Variants in PBRM1 observed in about 807,000 individuals in gnomAD.
PBRM1 encodes the protein polybromo 1.
In PBRM1, 27 loss-of-function variants were observed where a neutral mutation model predicts 194.5. The ratio of observed to expected loss-of-function variants is 0.14; its 90% CI spans 0.10 to 0.19. PBRM1 has a LOEUF of 0.19. Ranked by LOEUF, PBRM1 falls within the 10% of genes least tolerant of loss-of-function variation. The pLI is 1.00. For synonymous variants in PBRM1, 655 were observed against 693.2 expected (o/e 0.94, Z 0.87); for missense variants, 1,466 against 2,077.2 (o/e 0.71, Z 5.72).
At chr3:52,663,581 T>A (rs73078831) in intron 3 of PBRM1, among the ~76,000 whole-genome samples, 2 of 152,122 alleles carry the variant, frequency 1.3e-5, no homozygotes, top group Non-Finnish European at 2.9e-5. Context: ...ACAGATAAAG[T>A]TCCAAGAAAT....
At chr3:52,594,979 A>AT (rs138094902) in intron 17 of PBRM1, among the ~76,000 whole-genome samples, 1 of 151,782 alleles carries the variant, frequency 6.6e-6, no homozygotes, top group African/African-American at 2.4e-5. Context: ...GTGACCTGTC[A>AT]TTTTTTTCTT....
intron 17 of PBRM1, among the ~76,000 whole-genome samples, chr3:52,603,241 T>A (rs189616397): frequency 2.9e-4 from 44 of 152,336 alleles, no homozygotes; most frequent in African/African-American, 1.0e-3. Flanking sequence ...GATCTACCAA[T>A]AATATAAAGA....
chr3:52,563,545 AAGCC>A, intron 23 of PBRM1, 52 bp from the exon 26 acceptor site: 1 of 1,289,828 alleles, frequency 7.8e-7, no homozygotes, highest in Non-Finnish European at 1.1e-6. Context: ...CCTCCAGAAT[AAGCC>A]GGAAAGCAGT....
At chr3:52,577,169 G>A (rs1053013056) in intron 21 of PBRM1, among the ~76,000 whole-genome samples, 6 of 152,082 alleles carry the variant, frequency 3.9e-5, no homozygotes, top group Non-Finnish European at 7.4e-5. Flanking sequence ...AGGGGCTCAC[G>A]CCTGTAATCC....
At chr3:52,578,674 T>C (rs2090318083) in intron 21 of PBRM1, among the ~76,000 whole-genome samples, 2 of 152,214 alleles carry the variant, frequency 1.3e-5, no homozygotes, top group Non-Finnish European at 2.9e-5. Flanking sequence ...TGAACACCGA[T>C]ATGTGATATA....
At chr3:52,616,931 T>C (rs2094990022) in intron 14 of PBRM1, among the ~76,000 whole-genome samples, 1 of 152,176 alleles carries the variant, frequency 6.6e-6, no homozygotes, top group Non-Finnish European at 1.5e-5. Context: ...GTATACATTA[T>C]CTCTTTTAAA....
At chr3:52,617,624 AT>A in intron 13 of PBRM1, 86 bp from the exon 16 acceptor site, 1 of 908,486 alleles carries the variant, frequency 1.1e-6, no homozygotes, top group Non-Finnish European at 1.7e-6. Flanking sequence ...AAAACAAATT[AT>A]TTATGGTGCT....
intron 6 of PBRM1, among the ~76,000 whole-genome samples, chr3:52,650,398 A>AAT (rs71084202): frequency 9.4e-4 from 142 of 151,292 alleles, no homozygotes; most frequent in Non-Finnish European, 1.9e-3. Context: ...AAAAAAAAAA[A>AAT]GATGATACAT....
chr3:52,655,273 T>A (rs1405654740), intron 5 of PBRM1, among the ~76,000 whole-genome samples: 1 of 152,118 alleles, frequency 6.6e-6, no homozygotes, highest in East Asian at 1.9e-4. Context: ...CATTCTAACT[T>A]TATGTCTCTA....
At chr3:52,647,392 T>A (rs749769658) in intron 7 of PBRM1, among the ~76,000 whole-genome samples, 2 of 116,404 alleles carry the variant, frequency 1.7e-5, no homozygotes, top group African/African-American at 6.7e-5. Flanking sequence ...TTACCACACA[T>A]GGCCCCGCAA....
rs780210135 is a variant in PBRM1 at position 52,609,254 on chromosome 3, C to A, written c.2567+59G>T. 1.6e-5 allele frequency: 20 copies of A among 1,285,336 alleles called. No homozygotes were observed. Among genetic ancestry groups the A allele is most frequent in the Non-Finnish European group, 2.2e-5 (20 of 909,770 alleles). The allele number at this position is 1,285,336 out of a possible 1,614,324, so 79.6% of individuals were successfully genotyped here. ...ATAGTACATCAAAGCAATATTCTTTCATCTGTTTTGTATTAAATAGCACAT... is the reference window on the plus strand; with the variant it reads ...ATAGTACATCAAAGCAATATTCTTTAATCTGTTTTGTATTAAATAGCACAT... On this transcript the variant is annotated intron_variant, in intron 16 of 29. Transcript: ENST00000296302. This position sits in a 1 kb window ranked among gnomAD's most constrained non-coding sequence, Gnocchi z 4.1.
chr3:52,652,566 T>C (rs931658018), intron 5 of PBRM1, among the ~76,000 whole-genome samples: 2 of 151,244 alleles, frequency 1.3e-5, no homozygotes, highest in Admixed American at 1.3e-4. Flanking sequence ...GGCATACAAC[T>C]ATAGTCCCAG....
At chr3:52,633,384 T>C (rs998408866) in intron 11 of PBRM1, among the ~76,000 whole-genome samples, 1 of 152,178 alleles carries the variant, frequency 6.6e-6, no homozygotes, top group Non-Finnish European at 1.5e-5. Flanking sequence ...TTCCATTGTA[T>C]GTACACACCA....
Position 52,566,089 on chromosome 3 carries a change from A to AG in PBRM1, c.3692-1857_3692-1856insC, listed in dbSNP as rs2085134741. Among the ~76,000 whole-genome samples, 3 of 152,170 alleles carry AG rather than the reference A, an allele frequency of 2.0e-5. No individual in the cohort carries two copies. In the South Asian group the frequency reaches 6.2e-4, roughly 32 times the overall value. ...CAAAACAAAAAAAACACAATGCTTAACAGCATTCATCATCAGGAAAATCAA... is the reference window on the plus strand; with the variant it reads ...CAAAACAAAAAAAACACAATGCTTAAGCAGCATTCATCATCAGGAAAATCAA... On this transcript the variant is annotated intron_variant, in intron 22 of 29. Coordinates refer to ENST00000296302, the Ensembl canonical transcript of PBRM1.
chr3:52,571,942 A>G (rs1393487132), intron 22 of PBRM1, among the ~76,000 whole-genome samples: 1 of 147,092 alleles, frequency 6.8e-6, no homozygotes, highest in East Asian at 2.1e-4. Flanking sequence ...GAAGGCTGAG[A>G]TGGGAGGATT....
chr3:52,565,335 G>A lies in PBRM1; in HGVS notation c.3692-1102C>T, dbSNP rs13065386. ...AGCCTGGCCAACATGGTGAAACCTC[G>A]TCTCTACTAAAAATACAAAAAAATT... On this transcript the variant is annotated intron_variant, in intron 22 of 29. Coordinates refer to ENST00000296302, the Ensembl canonical transcript of PBRM1. Among the ~76,000 whole-genome samples, 5 of 151,180 alleles carry A rather than the reference G, an allele frequency of 3.3e-5. No homozygotes were observed. The East Asian group carries it at 7.8e-4, about 24-fold the overall frequency.
At chr3:52,554,955 C>T (rs2081918903) in intron 26 of PBRM1, 76 bp from the exon 29 acceptor site, 2 of 1,144,130 alleles carry the variant, frequency 1.7e-6, no homozygotes, top group Non-Finnish European at 2.6e-6. Flanking sequence ...CCAACCCCCA[C>T]ATGCACTACC....
intron 27 of PBRM1, among the ~76,000 whole-genome samples, chr3:52,552,644 G>A (rs2081255773): frequency 6.6e-6 from 1 of 152,112 alleles, no homozygotes; most frequent in Non-Finnish European, 1.5e-5. Context: ...ATTTCAGGAA[G>A]GTGGAAAGGA....
At chr3:52,683,553 C>T (rs1330094412), upstream of PBRM1, among the ~76,000 whole-genome samples, 1 of 151,040 alleles carries the variant, frequency 6.6e-6, no homozygotes, top group Non-Finnish European at 1.5e-5. Flanking sequence ...GTGGCTCATG[C>T]CTGTAATCCC....
Sources: gnomAD v4.1 joint callset for allele counts (sites outside exome capture counted in the v4.1 genomes callset) on GRCh38, gnomAD v4.1.1 for gene constraint, Gnocchi (gnomAD v3.1) non-coding constraint, MANE v1.5 for transcripts, NCBI Gene and HGNC (gene_info 2026-07-23, HGNC 2026-07-21) for gene names.